SEMA3C: variants seen among roughly 807,000 people sequenced by gnomAD.
The protein encoded by SEMA3C is semaphorin 3C, also known as semaphorin-3C.
SEMA3C carries 47 observed loss-of-function variants against 89.4 expected under a neutral mutation model. The observed-to-expected ratio is 0.53, with a 90% CI of 0.42 to 0.67. SEMA3C has a LOEUF of 0.67. Among genes scored for constraint, SEMA3C ranks in the 30% least tolerant of loss-of-function variants. SEMA3C has a pLI of 0.00. For missense variants in SEMA3C, 839 were observed against 929.1 expected, an observed-to-expected ratio of 0.90 and a Z score of 1.26; for synonymous variants, 310 against 320.2, an observed-to-expected ratio of 0.97 and a Z score of 0.34.
chr7:80,790,730 T>C (rs561265457), intron 11 of SEMA3C, among the ~76,000 whole-genome samples: 9 of 152,198 alleles, frequency 5.9e-5, no homozygotes, highest in Non-Finnish European at 1.2e-4. Context: ...TTCTGTCTCC[T>C]TGGCCTGCTA....
intron 2 of SEMA3C, among the ~76,000 whole-genome samples, chr7:80,896,935 G>T (rs963846288): frequency 3.9e-5 from 6 of 152,050 alleles, no homozygotes; most frequent in African/African-American, 1.4e-4. Context: ...GCTCCGTCTC[G>T]TGTTCCGATC....
intron 6 of SEMA3C, 141 bp from the exon 7 acceptor site, chr7:80,805,899 G>A: frequency 6.1e-6 from 3 of 489,788 alleles, no homozygotes; most frequent in Non-Finnish European, 1.0e-5. Context: ...GGTTTGCATT[G>A]TCCAGCAAAT....
In SEMA3C at chr7:80,761,765, A is replaced by G. The variant is rs1044166484; in HGVS notation, c.1444-108T>C. The G allele has an allele frequency of 5.9e-5, 35 of 597,830 alleles. 1 individual carries two copies. The highest frequency in any genetic ancestry group is 2.6e-4 in the South Asian group (14 of 52,944). The allele number at this position is 597,830 out of a possible 1,614,324, so 37.0% of individuals were successfully genotyped here. A position where few individuals can be genotyped will look rare whatever the true frequency, so the allele number is the denominator to read the frequency against. On this transcript the variant is annotated intron_variant, in intron 13 of 17. Coordinates refer to ENST00000265361, the MANE Select transcript of SEMA3C (RefSeq NM_006379.5). The stretch of plus-strand genomic sequence containing the variant: ...TCAAGAAGAAATCACTTTTCTTTAT[A>G]TATACATCTACTTTAAAATTACTTG...
chr7:80,779,521 T>A (rs1788643522), intron 12 of SEMA3C, among the ~76,000 whole-genome samples: 1 of 152,178 alleles, frequency 6.6e-6, no homozygotes, highest in South Asian at 2.1e-4. Flanking sequence ...GATAATGTCA[T>A]TTCTAACCCC....
At chr7:80,779,951 G>A (rs1032168480) in intron 12 of SEMA3C, among the ~76,000 whole-genome samples, 1 of 152,124 alleles carries the variant, frequency 6.6e-6, no homozygotes, top group African/African-American at 2.4e-5. Context: ...TTCTGCAAAA[G>A]CAAGGAACTG....
chr7:80,788,504 T>C (rs1051934064), intron 12 of SEMA3C, among the ~76,000 whole-genome samples: 1 of 152,146 alleles, frequency 6.6e-6, no homozygotes, highest in African/African-American at 2.4e-5. Context: ...ACCTCAGAAT[T>C]TGTATTTCCA....
At chr7:80,918,674 C>A (rs1320012772) in intron 1 of SEMA3C, among the ~76,000 whole-genome samples, 154 bp downstream of exon 1, 1 of 152,190 alleles carries the variant, frequency 6.6e-6, no homozygotes, top group Non-Finnish European at 1.5e-5. Context: ...TCGAGCAGGG[C>A]TCTCAGCAAG....
rs189045267 is a variant in SEMA3C, at chr7:80,846,620, C to T, written c.104-17875G>A. 3.2e-4 allele frequency among the ~76,000 whole-genome samples: 49 copies of T among 152,166 alleles called. No individual in the cohort carries two copies. In the East Asian group the frequency reaches 7.9e-3, roughly 25 times the overall value. On this transcript the variant is annotated intron_variant, in intron 2 of 17. Transcript: ENST00000265361. Reference sequence around the variant, plus strand: ...TGCTGAGATTACAGGTGTGAGCCACCGTGCCCAGCCCCTTTTCCATGTTTT... The same window carrying T: ...TGCTGAGATTACAGGTGTGAGCCACTGTGCCCAGCCCCTTTTCCATGTTTT...
chr7:80,808,369 T>G (rs1027985675), intron 6 of SEMA3C, among the ~76,000 whole-genome samples: 2 of 152,136 alleles, frequency 1.3e-5, no homozygotes, highest in Non-Finnish European at 1.5e-5. Context: ...AAAGTTTCCT[T>G]CCTAATGGAG....
chr7:80,920,826 A>G (rs3762020), upstream of SEMA3C, among the ~76,000 whole-genome samples: 23,308 of 152,188 alleles, frequency 0.15, 2,174 homozygotes, highest in Non-Finnish European at 0.21. Context: ...TCTCTGAAAT[A>G]CTTCTGAAAC....
At chr7:80,856,736 C>A (rs1017155202) in intron 2 of SEMA3C, among the ~76,000 whole-genome samples, 3 of 152,050 alleles carry the variant, frequency 2.0e-5, no homozygotes, top group African/African-American at 7.2e-5. Context: ...TAAAACTCAT[C>A]CACTACAAAC....
intron 2 of SEMA3C, among the ~76,000 whole-genome samples, chr7:80,855,219 T>C (rs1444161369): frequency 6.6e-6 from 1 of 152,132 alleles, no homozygotes; most frequent in Non-Finnish European, 1.5e-5. Flanking sequence ...TTCAGGACAA[T>C]TGGCACAAAC....
chr7:80,805,994 A>G (rs1411055678), intron 6 of SEMA3C, among the ~76,000 whole-genome samples: 1 of 152,050 alleles, frequency 6.6e-6, no homozygotes, highest in East Asian at 1.9e-4. Flanking sequence ...ACCTCAAAAC[A>G]ACTTTATTCT....
upstream of SEMA3C, among the ~76,000 whole-genome samples, chr7:80,921,052 G>C (rs1792399914): frequency 6.6e-6 from 1 of 152,130 alleles, no homozygotes; most frequent in Admixed American, 6.6e-5. Context: ...CCACGATAAA[G>C]AGTTGCAAGA....
chr7:80,917,246 A>T (rs1444344321), intron 1 of SEMA3C, among the ~76,000 whole-genome samples: 1 of 152,214 alleles, frequency 6.6e-6, no homozygotes, highest in Non-Finnish European at 1.5e-5. Flanking sequence ...ATCTCACATG[A>T]GCATTCATGT....
At chr7:80,817,944 T>A (rs894650843) in intron 5 of SEMA3C, among the ~76,000 whole-genome samples, 1 of 152,096 alleles carries the variant, frequency 6.6e-6, no homozygotes, top group Non-Finnish European at 1.5e-5. Context: ...ATTCAAGTAA[T>A]CTTGAAATTA....
At chr7:80,801,249 TA>T (rs1003111749) in intron 9 of SEMA3C, among the ~76,000 whole-genome samples, 2 of 152,186 alleles carry the variant, frequency 1.3e-5, no homozygotes, top group African/African-American at 2.4e-5. Flanking sequence ...CTGTTTTAAT[TA>T]AAAAAATTAC....
intron 11 of SEMA3C, among the ~76,000 whole-genome samples, chr7:80,793,685 T>G (rs1385207020): frequency 6.6e-6 from 1 of 151,880 alleles, no homozygotes; most frequent in East Asian, 1.9e-4. Context: ...GTGAAGAGGT[T>G]TAGGGATGAT....
At chr7:80,829,062 G>A (rs1434715886) in intron 2 of SEMA3C, among the ~76,000 whole-genome samples, 1 of 152,000 alleles carries the variant, frequency 6.6e-6, no homozygotes, top group African/African-American at 2.4e-5. Flanking sequence ...AGATACTTTG[G>A]AGGCTGAGGT....
Sources: gnomAD v4.1 joint callset for allele counts (sites outside exome capture counted in the v4.1 genomes callset) on GRCh38, gnomAD v4.1.1 for gene constraint, MANE v1.5 for transcripts, NCBI Gene and HGNC (gene_info 2026-07-23, HGNC 2026-07-21) for gene names.